PRSS57: variants seen among roughly 807,000 people sequenced by gnomAD.
PRSS57 encodes neutrophil serine protease 4.
PRSS57 carries 19 observed loss-of-function variants against 20.6 expected under a neutral mutation model. That is an observed-to-expected ratio of 0.92 (90% CI 0.64 to 1.35). PRSS57 has a LOEUF of 1.35. PRSS57 is among the 40% of genes most tolerant of loss of function. PRSS57 has a pLI of 0.00. For missense variants in PRSS57, 440 were observed against 403.7 expected, an observed-to-expected ratio of 1.09 and a Z score of -0.77; for synonymous variants, 203 against 176.6, an observed-to-expected ratio of 1.15 and a Z score of -1.19.
intron 3 of PRSS57, among the ~76,000 whole-genome samples, chr19:688,898 C>G (rs1185536560): frequency 1.3e-5 from 2 of 152,142 alleles, no homozygotes; most frequent in Non-Finnish European, 2.9e-5. Flanking sequence ...CACGCCCGGC[C>G]CCACACAGGG....
chr19:686,888 CACACA>C, intron 4 of PRSS57, 32 bp downstream of exon 4: 1 of 1,590,248 alleles, frequency 6.3e-7, no homozygotes, highest in Non-Finnish European at 8.6e-7. Context: ...TTGGTTTCCC[CACACA>C]GTAAGTGGGT....
At chr19:689,688 G>A (rs888252959) in intron 3 of PRSS57, among the ~76,000 whole-genome samples, 1 of 152,164 alleles carries the variant, frequency 6.6e-6, no homozygotes, top group Non-Finnish European at 1.5e-5. Flanking sequence ...CGGGGCTGAG[G>A]CAGGAGGATT....
Position 694,971 on chromosome 19 carries a change from C to T in PRSS57, c.80-4G>A, listed in dbSNP as rs762547277. ...ATGATCTGGGCCCCCCAGGAGCCTG[C>T]TGGAGGGACGGCCTGAGTCAGGGAC... On this transcript the variant is annotated splice_polypyrimidine_tract_variant and splice_region_variant and intron_variant, in intron 1 of 4. Transcript: ENST00000329267. The T allele has an allele frequency of 2.6e-5, 39 of 1,528,880 alleles. No homozygotes were observed. In the Middle Eastern group the frequency reaches 5.5e-4, roughly 21 times the overall value. 94.7% of individuals were successfully genotyped at this position (1,528,880 alleles called of 1,614,324 possible). A position where few individuals can be genotyped will look rare whatever the true frequency, so the allele number is the denominator to read the frequency against.
intron 3 of PRSS57, chr19:690,949 A>G (rs1398927835): frequency 8.4e-6 from 4 of 478,364 alleles, no homozygotes; most frequent in African/African-American, 8.0e-5. Flanking sequence ...GAAGCTGCTC[A>G]TGATGGCTGG....
chr19:686,592 G>A (rs1183058018), intron 4 of PRSS57, among the ~76,000 whole-genome samples: 4 of 152,044 alleles, frequency 2.6e-5, no homozygotes, highest in Non-Finnish European at 5.9e-5. Context: ...GACCCTCCAG[G>A]GCCAGTGTCT....
At chr19:695,192 C>A (rs967781561) in intron 1 of PRSS57, among the ~76,000 whole-genome samples, 160 bp downstream of exon 1, 2 of 152,126 alleles carry the variant, frequency 1.3e-5, no homozygotes, top group Non-Finnish European at 2.9e-5. Flanking sequence ...AGACCCCGGC[C>A]GGATTTCCAT....
At chr19:685,945 G>C (rs1568206166) in intron 4 of PRSS57, 23 bp from the exon 5 acceptor site, 1 of 1,517,306 alleles carries the variant, frequency 6.6e-7, no homozygotes, top group East Asian at 2.5e-5. Context: ...GAGAGGTGAG[G>C]TCAGGGCCTC....
In PRSS57 at chr19:693,650, C is replaced by T. The variant is rs556817906; in HGVS notation, c.233+1164G>A. ...GTGGTGCCATCTCGGCTCACTGCCA[C>T]CTCCACCTCCTGGGTTCAAGTGATT... On this transcript the variant is annotated intron_variant, in intron 2 of 4. Transcript: ENST00000329267. Among the ~76,000 whole-genome samples the T allele has an allele frequency of 1.1e-4, 17 of 151,882 alleles. No individual in the cohort carries two copies. In the South Asian group the frequency reaches 3.1e-3, roughly 28 times the overall value.
At chr19:693,499 C>T (rs1018789519) in intron 2 of PRSS57, among the ~76,000 whole-genome samples, 1 of 152,112 alleles carries the variant, frequency 6.6e-6, no homozygotes. Context: ...TTAATGCTCA[C>T]GCCGGCCCCG....
intron 4 of PRSS57, 22 bp from the exon 5 acceptor site, chr19:685,944 G>T: frequency 6.6e-7 from 1 of 1,517,284 alleles, no homozygotes. Context: ...GGAGAGGTGA[G>T]GTCAGGGCCT....
chr19:687,479 C>T (rs917257465), intron 3 of PRSS57, among the ~76,000 whole-genome samples: 1 of 152,180 alleles, frequency 6.6e-6, no homozygotes, highest in African/African-American at 2.4e-5. Context: ...AATCTTGGCT[C>T]ACTGCAACCT....
At chr19:695,289 G>A (rs550944500) in intron 1 of PRSS57, 63 bp downstream of exon 1, 312 of 810,400 alleles carry the variant, frequency 3.8e-4, no homozygotes, top group Non-Finnish European at 4.9e-4. Context: ...GGGGGTTCCC[G>A]GGTGTGGCCC....
chr19:690,976 A>G, intron 3 of PRSS57: 1 of 446,540 alleles, frequency 2.2e-6, no homozygotes, highest in Non-Finnish European at 4.2e-6. Flanking sequence ...TGACTGCTAC[A>G]CCTTAGCCAG....
At position 687,136 on chromosome 19, in the gene PRSS57, C is replaced by T. The variant is rs575963662; in HGVS notation, c.431G>A (p.Gly144Glu). 1 of 1,605,944 alleles carries T rather than the reference C, an allele frequency of 6.2e-7. No individual in the cohort carries two copies. The highest frequency in any genetic ancestry group is 1.3e-5 in the African/African-American group (1 of 74,936). The change falls in exon 4 of 5, where the codon GGG (glycine) becomes GAG (glutamate). Residue 144 changes from glycine (G) to glutamate (E), a missense_variant. Physicochemically the swap from Gly to Glu is moderately conservative, Grantham distance 98. Coordinates refer to ENST00000329267, the MANE Select transcript of PRSS57 (RefSeq NM_001308209.2). The part of the protein sequence containing the change: ...GPAVGLLRPP[G>E]RRARPPTAGT... ...CGCTGTGGGGGGCCTGGCCCTTCTC[C>T]CTGGCGGCCTCAGCAGCCCCACTGC...
At chr19:686,038 A>G in intron 4 of PRSS57, 116 bp from the exon 5 acceptor site, 1 of 950,138 alleles carries the variant, frequency 1.1e-6, no homozygotes, top group Admixed American at 2.8e-5. Flanking sequence ...CCAAGGAAAA[A>G]GTAAATTCAT....
At chr19:688,157 C>T (rs1599114591) in intron 3 of PRSS57, among the ~76,000 whole-genome samples, 1 of 152,332 alleles carries the variant, frequency 6.6e-6, no homozygotes, top group East Asian at 1.9e-4. Flanking sequence ...GGCTCCAATC[C>T]CTGTCTCTGG....
At chr19:689,188 TGG>T (rs2031566667) in intron 3 of PRSS57, among the ~76,000 whole-genome samples, 1 of 82,708 alleles carries the variant, frequency 1.2e-5, no homozygotes, top group African/African-American at 5.4e-5. Context: ...ACGACGGGGC[TGG>T]AAGGGTGGTC....
At chr19:689,316 G>A (rs543771516) in intron 3 of PRSS57, among the ~76,000 whole-genome samples, 25 of 148,288 alleles carry the variant, frequency 1.7e-4, no homozygotes, top group Non-Finnish European at 2.8e-4. Context: ...TTGCAGGGAG[G>A]GGGTATGTGG....
intron 2 of PRSS57, 30 bp from the exon 3 acceptor site, chr19:692,032 G>C (rs767171243): frequency 3.1e-6 from 4 of 1,298,404 alleles, no homozygotes; most frequent in East Asian, 2.9e-5. Context: ...GGTGAGACGG[G>C]GGTGAGGGCT....
Sources: allele counts gnomAD v4.1 joint callset (sites outside exome capture counted in the v4.1 genomes callset), GRCh38; gene constraint gnomAD v4.1.1; transcripts MANE v1.5; gene names NCBI Gene and HGNC (gene_info 2026-07-23, HGNC 2026-07-21).